SHANK2: variants seen among roughly 807,000 people sequenced by gnomAD.
SHANK2 encodes the protein SH3 and multiple ankyrin repeat domains protein 2.
Under a neutral mutation model 133.7 loss-of-function variants are expected in SHANK2, and 43 were observed. The observed-to-expected ratio is 0.32, with a 90% CI of 0.25 to 0.41. SHANK2 has a LOEUF of 0.41. SHANK2 is among the 10% of genes least tolerant of loss of function. SHANK2 has a pLI of 1.00. For synonymous variants in SHANK2, 1,017 were observed against 952.8 expected (o/e 1.07, Z -1.24); for missense variants, 1,994 against 2,235.8 (o/e 0.89, Z 2.18).
intron 17 of SHANK2, among the ~76,000 whole-genome samples, chr11:70,639,977 C>T (rs559524326): frequency 2.6e-5 from 4 of 152,342 alleles, no homozygotes; most frequent in Non-Finnish European, 4.4e-5. Flanking sequence ...CCCACAGGCC[C>T]GTCTGGGGCT....
intron 4 of SHANK2, among the ~76,000 whole-genome samples, chr11:71,116,407 G>A (rs575294919): frequency 4.6e-5 from 7 of 152,354 alleles, no homozygotes; most frequent in African/African-American, 1.4e-4. Context: ...CTGTAAACTT[G>A]GGGCGTAGCA....
chr11:71,104,158 C>T (rs1253470715), intron 6 of SHANK2, among the ~76,000 whole-genome samples: 6 of 152,200 alleles, frequency 3.9e-5, no homozygotes, highest in African/African-American at 7.2e-5. Flanking sequence ...GCTCACCTAA[C>T]GCTCACATTT....
Position 70,573,074 on chromosome 11 carries a change from G to A in SHANK2, c.2062-70143C>T, listed in dbSNP as rs549691764. Among the ~76,000 whole-genome samples the A allele has an allele frequency of 7.9e-5, 12 of 152,182 alleles. No individual in the cohort carries two copies. In the South Asian group the frequency reaches 1.2e-3, roughly 16 times the overall value. On this transcript the variant is annotated intron_variant, in intron 17 of 25. Transcript: ENST00000601538. ...CCATCACTCGGCAACGCGAAGGAAC[G>A]GACTGCCGGAACACACACGCCTCAG...
Position 70,491,306 on chromosome 11 carries a change from T to C in SHANK2, c.2440-919A>G, listed in dbSNP as rs544616419. ...ATGGCCCTGAGGCTGAGGAGCAAAG[T>C]GGGACCCTTTGGGAGATCAAGGGCA... On this transcript the variant is annotated intron_variant, in intron 22 of 25. Coordinates refer to ENST00000601538, the MANE Select transcript of SHANK2 (RefSeq NM_012309.5). 9.2e-5 allele frequency among the ~76,000 whole-genome samples: 14 copies of C among 152,288 alleles called. No homozygotes were observed. In the East Asian group the frequency reaches 2.7e-3, roughly 30 times the overall value.
At position 70,487,295 on chromosome 11, in the gene SHANK2, C is replaced by T. The variant is rs782033852; in HGVS notation, c.2998G>A (p.Val1000Ile). ...SEVGKIASKA[V>I]YVPAKPARRK... Reference sequence around the variant, plus strand: ...CTGGCGGGCTTGGCGGGGACGTAGACGGCTTTGCTGGCGATCTTCCCCACC... The same window carrying T: ...CTGGCGGGCTTGGCGGGGACGTAGATGGCTTTGCTGGCGATCTTCCCCACC... The change falls in exon 25 of 26, where the codon GTC becomes ATC. Residue 1000 changes from valine to isoleucine, a missense_variant. Physicochemically the swap from Val to Ile is conservative, Grantham distance 29 (BLOSUM62 3). Transcript: ENST00000601538. The surrounding 1 kb of genome is among the most constrained non-coding windows in gnomAD (Gnocchi z 5.8). The T allele has an allele frequency of 3.1e-6, 5 of 1,614,202 alleles. No homozygotes were observed. Among genetic ancestry groups the T allele is most frequent in the Non-Finnish European group, 4.2e-6 (5 of 1,180,040 alleles).
intron 9 of SHANK2, among the ~76,000 whole-genome samples, chr11:71,068,973 C>T (rs1951105541): frequency 6.6e-6 from 1 of 151,614 alleles, no homozygotes; most frequent in East Asian, 1.9e-4. Flanking sequence ...ACCACCCTCA[C>T]CACCATCATC....
intron 8 of SHANK2, among the ~76,000 whole-genome samples, chr11:71,086,805 C>T (rs891686867): frequency 1.3e-5 from 2 of 152,214 alleles, no homozygotes; most frequent in East Asian, 1.9e-4. Context: ...GCAGGGCACC[C>T]GCACCCATCC....
At chr11:70,559,861 G>T (rs2059884336) in intron 17 of SHANK2, among the ~76,000 whole-genome samples, 1 of 93,974 alleles carries the variant, frequency 1.1e-5, no homozygotes, top group African/African-American at 3.7e-5. Flanking sequence ...ATTCTGGGGG[G>T]TTGCTTTATT....
chr11:70,733,731 C>T (rs376292236), intron 14 of SHANK2, among the ~76,000 whole-genome samples: 6 of 152,240 alleles, frequency 3.9e-5, no homozygotes, highest in African/African-American at 1.2e-4. Flanking sequence ...TAGGGTGGGC[C>T]GTGCCCCACT....
At chr11:71,076,915 G>A (rs914880122) in intron 8 of SHANK2, among the ~76,000 whole-genome samples, 100 of 152,352 alleles carry the variant, frequency 6.6e-4, no homozygotes, top group African/African-American at 2.3e-3. Flanking sequence ...AGAGTGGGGA[G>A]CAGAAAAGTG....
At chr11:70,744,065 G>T (rs965705578) in intron 14 of SHANK2, among the ~76,000 whole-genome samples, 1 of 152,164 alleles carries the variant, frequency 6.6e-6, no homozygotes, top group African/African-American at 2.4e-5. Flanking sequence ...CACACTTCAC[G>T]CAGCAGCCAC....
intron 17 of SHANK2, among the ~76,000 whole-genome samples, chr11:70,655,690 G>T (rs2061396962): frequency 6.6e-6 from 1 of 152,212 alleles, no homozygotes; most frequent in African/African-American, 2.4e-5. Context: ...CATTTAGGTT[G>T]TCAAACAAGG....
chr11:70,700,896 T>C (rs1191219956), intron 14 of SHANK2, among the ~76,000 whole-genome samples: 2 of 152,238 alleles, frequency 1.3e-5, no homozygotes, highest in Non-Finnish European at 1.5e-5. Flanking sequence ...GGGCCATGCA[T>C]GTGCAGGGAC....
chr11:70,769,430 G>A (rs77265566), intron 14 of SHANK2, among the ~76,000 whole-genome samples: 7 of 152,332 alleles, frequency 4.6e-5, no homozygotes, highest in Admixed American at 1.3e-4. Flanking sequence ...AGGTCAGGTC[G>A]CCACTGGGGT....
chr11:70,537,636 G>A (rs2059562912), intron 17 of SHANK2, among the ~76,000 whole-genome samples: 1 of 152,244 alleles, frequency 6.6e-6, no homozygotes, highest in Non-Finnish European at 1.5e-5. Context: ...GGACTGTAGG[G>A]GAACACATTC....
At chr11:70,863,377 T>C in intron 11 of SHANK2, 1 of 457,958 alleles carries the variant, frequency 2.2e-6, no homozygotes, top group Non-Finnish European at 4.4e-6. Context: ...TCCTGGTTCA[T>C]CCAGTGCTGG....
chr11:70,511,915 C>T (rs1443675857), intron 17 of SHANK2, among the ~76,000 whole-genome samples: 1 of 152,260 alleles, frequency 6.6e-6, no homozygotes, highest in Non-Finnish European at 1.5e-5. Context: ...ACAGAGTTTA[C>T]AGAAACAAAG....
At chr11:70,892,118 C>T (rs568952441) in intron 11 of SHANK2, among the ~76,000 whole-genome samples, 5 of 152,256 alleles carry the variant, frequency 3.3e-5, no homozygotes, top group African/African-American at 7.2e-5. Context: ...CAGGCAGCAC[C>T]GTCACACCGT....
At chr11:70,554,348 G>T (rs2059803873) in intron 17 of SHANK2, among the ~76,000 whole-genome samples, 2 of 152,190 alleles carry the variant, frequency 1.3e-5, no homozygotes, top group African/African-American at 4.8e-5. Flanking sequence ...CTTCAGGGAG[G>T]GTTCCAGAGC....
Sources: allele counts gnomAD v4.1 joint callset (sites outside exome capture counted in the v4.1 genomes callset), GRCh38; gene constraint gnomAD v4.1.1; non-coding constraint Gnocchi (gnomAD v3.1); transcripts MANE v1.5; gene names NCBI Gene and HGNC (gene_info 2026-07-23, HGNC 2026-07-21).